Variants in SGSM3 observed in about 807,000 individuals in gnomAD.
SGSM3 encodes the protein RUN and SH3 containing 3.
A neutral mutation model predicts 100.5 loss-of-function variants in SGSM3; 96 were observed. That is an observed-to-expected ratio of 0.96 (90% CI 0.81 to 1.13). SGSM3 has a LOEUF of 1.13. Among genes scored for constraint, SGSM3 ranks in the 50% most tolerant of loss-of-function variants. The pLI, the probability that SGSM3 is intolerant of heterozygous loss-of-function variation, is 0.00. For missense variants in SGSM3, 1,001 were observed against 1,015.8 expected (o/e 0.99, Z 0.20); for synonymous variants, 483 against 422.8 (o/e 1.14, Z -1.75).
intron 1 of SGSM3, among the ~76,000 whole-genome samples, chr22:40,373,953 A>T (rs1001659434): frequency 1.4e-5 from 2 of 144,006 alleles, no homozygotes; most frequent in African/African-American, 5.2e-5. Flanking sequence ...TATTTATTTT[A>T]TTTATTTATT....
At position 40,406,069 on chromosome 22, in the gene SGSM3, T is replaced by C; in HGVS notation, c.815-9T>C. On this transcript the variant is annotated splice_polypyrimidine_tract_variant and intron_variant, in intron 8 of 21. Transcript: ENST00000248929. ...TCCTCCCCAGCGGCTTTGGCTCCTG[T>C]GTTTACAGAGCTGTCCCTGATCACA... is the stretch of plus-strand genomic sequence containing the variant. The C allele has an allele frequency of 6.2e-7, 1 of 1,611,518 alleles. No individual in the cohort carries two copies. The highest frequency in any genetic ancestry group is 8.5e-7 in the Non-Finnish European group (1 of 1,178,136).
intron 1 of SGSM3, among the ~76,000 whole-genome samples, chr22:40,386,018 ATTTTTTGTTTTTTTTTTTGTT>A (rs973053801): frequency 8.0e-4 from 115 of 144,126 alleles, no homozygotes; most frequent in African/African-American, 2.8e-3. Flanking sequence ...TGCCCGGCTA[ATTTTTTGTTTTTTTTTTTGTT>A]TTTTTTGTTT....
intron 1 of SGSM3, among the ~76,000 whole-genome samples, chr22:40,379,089 C>T (rs561030037): frequency 2.0e-5 from 3 of 152,284 alleles, no homozygotes; most frequent in Admixed American, 6.5e-5. Flanking sequence ...TACTCTGTAG[C>T]ACTATTCATC....
rs774471127 is a variant in SGSM3 at position 40,407,252 on chromosome 22, T to G, written c.1292T>G (p.Leu431Arg). 1 of 1,613,604 alleles carries G rather than the reference T, an allele frequency of 6.2e-7. No homozygotes were observed. Among genetic ancestry groups the G allele is most frequent in the East Asian group, 2.2e-5 (1 of 44,868 alleles). ...LKAKNIKQTE[L>R]VADLREAILR... ...GCCAAGAACATCAAGCAGACGGAAC[T>G]GGTGGCTGACCTCCGGGAAGCCATC... is the stretch of plus-strand genomic sequence containing the variant. The change falls in exon 12 of 22, where the codon CTG becomes CGG. Residue 431 changes from leucine to arginine, a missense_variant. Coordinates refer to ENST00000248929, the MANE Select transcript of SGSM3 (RefSeq NM_015705.6). This position sits in a 1 kb window ranked among gnomAD's most constrained non-coding sequence, Gnocchi z 4.7.
intron 2 of SGSM3, 95 bp downstream of exon 2, chr22:40,400,908 C>T: frequency 8.1e-7 from 1 of 1,230,814 alleles, no homozygotes; most frequent in Non-Finnish European, 1.1e-6. Flanking sequence ...AAACACCATC[C>T]AGATAAGAGA....
chr22:40,409,185 C>T (rs939707547), intron 19 of SGSM3, 65 bp from the exon 20 acceptor site: 14 of 1,555,456 alleles, frequency 9.0e-6, no homozygotes, highest in Admixed American at 1.8e-5. Context: ...CAGAGGCTTC[C>T]ACCGTGGCTG....
intron 1 of SGSM3, among the ~76,000 whole-genome samples, chr22:40,381,911 A>G (rs1239453282): frequency 2.0e-5 from 3 of 152,186 alleles, no homozygotes; most frequent in Non-Finnish European, 2.9e-5. Flanking sequence ...GTGAGCCAAG[A>G]TTCGCGCCAC....
At chr22:40,372,118 C>CG (rs932395738) in intron 1 of SGSM3, among the ~76,000 whole-genome samples, 1 of 120,694 alleles carries the variant, frequency 8.3e-6, no homozygotes, top group African/African-American at 3.3e-5. Context: ...CCTGTCCCCC[C>CG]CCCCTTTTTT....
intron 1 of SGSM3, among the ~76,000 whole-genome samples, chr22:40,395,867 A>T (rs1198887238): frequency 6.6e-6 from 1 of 152,110 alleles, no homozygotes; most frequent in Admixed American, 6.5e-5. Flanking sequence ...CTTCAGCCTC[A>T]TTCTCCGTAA....
Position 40,407,915 on chromosome 22 carries a change from G to A in SGSM3, c.1579+72G>A. 2 of 1,507,608 alleles carry A rather than the reference G, an allele frequency of 1.3e-6. No homozygotes were observed. Among genetic ancestry groups the A allele is most frequent in the Non-Finnish European group, 1.8e-6 (2 of 1,102,970 alleles). The allele number at this position is 1,507,608 out of a possible 1,614,324, so 93.4% of individuals were successfully genotyped here. A position where few individuals can be genotyped will look rare whatever the true frequency, so the allele number is the denominator to read the frequency against. Reference sequence around the variant, plus strand: ...GGGCACAGAAGACTTGGGTGACCCTGGCCGCCACCAAGCTGTTCTCCTCTA... The same window carrying A: ...GGGCACAGAAGACTTGGGTGACCCTAGCCGCCACCAAGCTGTTCTCCTCTA... On this transcript the variant is annotated intron_variant, in intron 14 of 21. Coordinates refer to ENST00000248929, the MANE Select transcript of SGSM3 (RefSeq NM_015705.6). The surrounding 1 kb of genome is among the most constrained non-coding windows in gnomAD (Gnocchi z 4.7).
At chr22:40,372,146 A>C (rs1358298249) in intron 1 of SGSM3, among the ~76,000 whole-genome samples, 1 of 39,750 alleles carries the variant, frequency 2.5e-5, no homozygotes, top group Non-Finnish European at 5.0e-5. Context: ...TTTTTTTTTG[A>C]GACGGAGTCT....
intron 1 of SGSM3, among the ~76,000 whole-genome samples, chr22:40,399,825 C>A (rs570180741): frequency 6.6e-6 from 1 of 152,196 alleles, no homozygotes; most frequent in African/African-American, 2.4e-5. Flanking sequence ...CAGGAGGGAG[C>A]GTCTCTCCCA....
chr22:40,381,928 C>G (rs1601789215), intron 1 of SGSM3, among the ~76,000 whole-genome samples: 1 of 152,156 alleles, frequency 6.6e-6, no homozygotes, highest in Admixed American at 6.5e-5. Context: ...CCACTGCACT[C>G]CAGCCTGGCA....
intron 1 of SGSM3, among the ~76,000 whole-genome samples, chr22:40,383,394 G>C (rs902305331): frequency 2.6e-5 from 4 of 151,648 alleles, no homozygotes; most frequent in Admixed American, 6.6e-5. Context: ...GTGAACCTGG[G>C]AGGTGGAGCT....
chr22:40,381,373 T>C (rs1452885322), intron 1 of SGSM3, among the ~76,000 whole-genome samples: 1 of 152,148 alleles, frequency 6.6e-6, no homozygotes, highest in Non-Finnish European at 1.5e-5. Context: ...GGTCTCAAAC[T>C]CTTGGGCTCA....
At chr22:40,389,688 A>T (rs1471980232) in intron 1 of SGSM3, among the ~76,000 whole-genome samples, 6 of 150,768 alleles carry the variant, frequency 4.0e-5, no homozygotes, top group African/African-American at 1.5e-4. Context: ...TGGGCGGATC[A>T]CCTGAGGTCA....
chr22:40,404,338 C>G lies in SGSM3; in HGVS notation c.249C>G (p.Phe83Leu). The G allele has an allele frequency of 6.3e-7, 1 of 1,595,340 alleles. No individual in the cohort carries two copies. The highest frequency in any genetic ancestry group is 8.5e-7 in the Non-Finnish European group (1 of 1,169,700). The change falls in exon 5 of 22, where the codon TTC becomes TTG. Residue 83 changes from phenylalanine to leucine, a missense_variant. Coordinates refer to ENST00000248929, the MANE Select transcript of SGSM3 (RefSeq NM_015705.6). ...TGCGGTGGCAGGCCCACCTGGAGTT[C>G]ACCCATAACCACGATGTGGGGGATC... ...QRLRWQAHLE[F>L]THNHDVGDLT...
chr22:40,397,256 C>A (rs17001880), intron 1 of SGSM3, among the ~76,000 whole-genome samples: 3,709 of 152,214 alleles, frequency 0.024, 156 homozygotes, highest in African/African-American at 0.085. Context: ...TTAAAGAGCT[C>A]AACCCTGCAG....
intron 2 of SGSM3, among the ~76,000 whole-genome samples, chr22:40,401,260 T>A (rs186742659): frequency 8.5e-5 from 13 of 152,268 alleles, no homozygotes; most frequent in African/African-American, 3.1e-4. Context: ...CTATTTTTTT[T>A]TTATTTTTTT....
Sources: allele counts gnomAD v4.1 joint callset (sites outside exome capture counted in the v4.1 genomes callset), GRCh38; gene constraint gnomAD v4.1.1; non-coding constraint Gnocchi (gnomAD v3.1); transcripts MANE v1.5; gene names NCBI Gene and HGNC (gene_info 2026-07-23, HGNC 2026-07-21).